TANGO6: variants seen among roughly 807,000 people sequenced by gnomAD.
The protein encoded by TANGO6 is transport and golgi organization 6 homolog, also known as transport and Golgi organization protein 6 homolog.
A neutral mutation model predicts 114.2 loss-of-function variants in TANGO6; 90 were observed. That is an observed-to-expected ratio of 0.79 (90% CI 0.66 to 0.94). The LOEUF is 0.94. TANGO6 is among the 40% of genes least tolerant of loss of function. The probability of loss-of-function intolerance (pLI) is 0.00; values close to 1 mark genes in which losing one functional copy is unlikely to be tolerated. For missense variants in TANGO6, 1,274 were observed against 1,315.3 expected (o/e 0.97, Z 0.49); for synonymous variants, 477 against 509.8 (o/e 0.94, Z 0.87).
chr16:68,946,963 A>G (rs147410535), intron 14 of TANGO6, among the ~76,000 whole-genome samples: 75 of 152,278 alleles, frequency 4.9e-4, no homozygotes, highest in African/African-American at 1.7e-3. Flanking sequence ...TTTGGATGTG[A>G]TGTGAGATAT....
chr16:68,936,973 T>C (rs1012602094), intron 14 of TANGO6, among the ~76,000 whole-genome samples: 1 of 152,092 alleles, frequency 6.6e-6, no homozygotes, highest in African/African-American at 2.4e-5. Context: ...GCAAAAGAGC[T>C]GAGTGGAGGG....
At chr16:68,980,797 A>T (rs1334667697) in intron 15 of TANGO6, among the ~76,000 whole-genome samples, 4 of 152,104 alleles carry the variant, frequency 2.6e-5, no homozygotes, top group Admixed American at 2.6e-4. Context: ...AGGAGACCAG[A>T]CCATCCTGTC....
intron 15 of TANGO6, among the ~76,000 whole-genome samples, chr16:68,982,629 C>CATTTTTTTTTTTTTT (rs1567553024): frequency 5.8e-5 from 7 of 120,532 alleles, no homozygotes; most frequent in African/African-American, 2.4e-4. Context: ...CATGCCCTGG[C>CATTTTTTTTTTTTTT]CTTTTTTTTT....
chr16:68,889,701 G>T (rs915061605), intron 7 of TANGO6, among the ~76,000 whole-genome samples: 1 of 152,162 alleles, frequency 6.6e-6, no homozygotes, highest in Non-Finnish European at 1.5e-5. Context: ...AGACTCTCTG[G>T]TATGGTGTAG....
intron 8 of TANGO6, among the ~76,000 whole-genome samples, chr16:68,900,977 T>TG (rs1405990407): frequency 6.6e-6 from 1 of 152,218 alleles, no homozygotes. Context: ...GTGTTGGTGA[T>TG]GCAGTGTGTT....
chr16:68,995,054 C>A (rs1963979607), intron 15 of TANGO6, among the ~76,000 whole-genome samples: 1 of 152,172 alleles, frequency 6.6e-6, no homozygotes, highest in South Asian at 2.1e-4. Flanking sequence ...AACAATAGTT[C>A]CACTATCAAG....
chr16:68,881,094 A>C (rs1160122335), intron 7 of TANGO6, among the ~76,000 whole-genome samples: 1 of 152,204 alleles, frequency 6.6e-6, no homozygotes, highest in Non-Finnish European at 1.5e-5. Flanking sequence ...TGGCAAGCTG[A>C]CCTTTTTAAG....
At chr16:68,909,930 A>G (rs1013832010) in intron 11 of TANGO6, among the ~76,000 whole-genome samples, 1 of 152,212 alleles carries the variant, frequency 6.6e-6, no homozygotes, top group Admixed American at 6.5e-5. Flanking sequence ...TCTCCACAAC[A>G]TTCTCTTAAG....
chr16:68,861,730 G>C (rs1405515347), intron 2 of TANGO6, among the ~76,000 whole-genome samples: 1 of 152,146 alleles, frequency 6.6e-6, no homozygotes, highest in Non-Finnish European at 1.5e-5. Flanking sequence ...ACATTATGAA[G>C]CTGGACAAAG....
intron 14 of TANGO6, among the ~76,000 whole-genome samples, chr16:68,966,217 CT>C (rs1160144491): frequency 2.6e-5 from 4 of 151,824 alleles, no homozygotes; most frequent in Admixed American, 1.3e-4. Context: ...CAGAACAAGA[CT>C]CTGTCTTAAA....
intron 14 of TANGO6, among the ~76,000 whole-genome samples, chr16:68,953,656 G>A (rs1228391209): frequency 1.3e-5 from 2 of 152,076 alleles, no homozygotes; most frequent in Non-Finnish European, 1.5e-5. Flanking sequence ...TAGCCGTTCT[G>A]TAGGGAAGAT....
intron 11 of TANGO6, among the ~76,000 whole-genome samples, chr16:68,918,046 G>A (rs777461461): frequency 6.6e-6 from 1 of 151,642 alleles, no homozygotes; most frequent in Non-Finnish European, 1.5e-5. Context: ...AGCCTCCCGA[G>A]TAGCTGAGAC....
chr16:69,058,160 G>A (rs996699885), intron 17 of TANGO6, among the ~76,000 whole-genome samples: 1 of 152,158 alleles, frequency 6.6e-6, no homozygotes, highest in African/African-American at 2.4e-5. Flanking sequence ...AAAGGGAGGA[G>A]TTCTGACTAA....
Position 68,859,913 on chromosome 16 carries a change from A to G in TANGO6, c.124A>G (p.Lys42Glu), listed in dbSNP as rs367849905. 6.3e-7 allele frequency: 1 copy of G among 1,595,326 alleles called. No homozygotes were observed. The highest frequency in any genetic ancestry group is 1.3e-5 in the African/African-American group (1 of 74,110). ...GGGCTCAAGTTCACTACAGGTCACA[A>G]AACATGATGTCTTGTTGGCTACTTT... ...GSGSSSLQVT[K>E]HDVLLATLKS... Residue 42 changes from lysine to glutamate, a missense_variant, in exon 2 of 18, where the codon AAA becomes GAA. Transcript: ENST00000261778.
intron 1 of TANGO6, among the ~76,000 whole-genome samples, chr16:68,852,084 G>GT (rs1279616302): frequency 6.6e-6 from 1 of 152,054 alleles, no homozygotes; most frequent in African/African-American, 2.4e-5. Context: ...ATATTCCATT[G>GT]TTTATTCATT....
rs965906428 is a variant in TANGO6, at chr16:68,964,425, T to C, written c.2702-9603T>C. Among the ~76,000 whole-genome samples, 7 of 152,104 alleles carry C rather than the reference T, an allele frequency of 4.6e-5. 1 individual carries two copies. The highest frequency in any genetic ancestry group is 1.7e-4 in the African/African-American group (7 of 41,422). ...ATATTATTAGTTTCTTGAGTATCCT[T>C]CCAGAATTATTCAATGAGTGTATAT... On this transcript the variant is annotated intron_variant, in intron 14 of 17. Transcript: ENST00000261778.
chr16:69,018,139 C>CTTTTTT lies in TANGO6; in HGVS notation c.2843-4672_2843-4667dup, dbSNP rs34796579. On this transcript the variant is annotated intron_variant, in intron 15 of 17. Transcript: ENST00000261778. ...CACCATGCCCAGCCGTTGGAAATCT[C>CTTTTTT]TTTTTTTTTTTTTTTTTTTTTTGAG... Among the ~76,000 whole-genome samples, 21 of 77,084 alleles carry CTTTTTT rather than the reference C, an allele frequency of 2.7e-4. 1 individual carries two copies. Among genetic ancestry groups the CTTTTTT allele is most frequent in the African/African-American group, 7.9e-4 (17 of 21,528 alleles). The allele number at this position is 77,084 out of a possible 152,430, so 50.6% of individuals were successfully genotyped here.
intron 17 of TANGO6, among the ~76,000 whole-genome samples, chr16:69,081,552 G>A (rs1960465747): frequency 6.6e-6 from 1 of 151,864 alleles, no homozygotes; most frequent in Admixed American, 6.6e-5. Flanking sequence ...TGTTGGCCAG[G>A]CTGGACTCAA....
intron 6 of TANGO6, among the ~76,000 whole-genome samples, chr16:68,879,731 C>A (rs886143037): frequency 6.6e-6 from 1 of 151,208 alleles, no homozygotes; most frequent in African/African-American, 2.4e-5. Context: ...ATTCTCCTGC[C>A]TCAGCCTCCT....
Sources: allele counts gnomAD v4.1 joint callset (sites outside exome capture counted in the v4.1 genomes callset), GRCh38; gene constraint gnomAD v4.1.1; transcripts MANE v1.5; gene names NCBI Gene and HGNC (gene_info 2026-07-23, HGNC 2026-07-21).